The following CYB5R4 variants were observed in gnomAD, a reference collection of about 807,000 sequenced individuals.
CYB5R4 encodes the protein N-terminal cytochrome b5 and cytochrome b5 oxidoreductase domain-containing protein.
CYB5R4 carries 55 observed loss-of-function variants against 70.2 expected under a neutral mutation model. The ratio of observed to expected loss-of-function variants is 0.78; its 90% CI spans 0.63 to 0.98. CYB5R4 has a LOEUF of 0.98. CYB5R4 is among the 50% of genes least tolerant of loss of function. CYB5R4 has a pLI of 0.00. For synonymous variants in CYB5R4, 197 were observed against 199.5 expected, an observed-to-expected ratio of 0.99 and a Z score of 0.11; for missense variants, 562 against 612.6, an observed-to-expected ratio of 0.92 and a Z score of 0.87.
At chr6:83,874,101 G>C (rs1162521821) in intron 2 of CYB5R4, among the ~76,000 whole-genome samples, 2 of 137,280 alleles carry the variant, frequency 1.5e-5, no homozygotes, top group South Asian at 4.7e-4. Context: ...CTTCCTGCCT[G>C]CTTGCCTGCC....
intron 8 of CYB5R4, among the ~76,000 whole-genome samples, 180 bp from the exon 9 acceptor site, chr6:83,922,258 A>G (rs1490883683): frequency 6.6e-6 from 1 of 152,200 alleles, no homozygotes. Flanking sequence ...TTGAAAATGT[A>G]TGTATTTAAA....
intron 2 of CYB5R4, among the ~76,000 whole-genome samples, chr6:83,874,877 C>T (rs368663854): frequency 2.0e-5 from 3 of 151,508 alleles, no homozygotes; most frequent in Non-Finnish European, 1.5e-5. Context: ...GGCTGGAGTG[C>T]AGTGGCGCGA....
chr6:83,939,478 C>T (rs1299115232), intron 12 of CYB5R4, among the ~76,000 whole-genome samples: 1 of 152,148 alleles, frequency 6.6e-6, no homozygotes, highest in African/African-American at 2.4e-5. Flanking sequence ...GGGAATTAAA[C>T]TCAGAATAGC....
intron 2 of CYB5R4, among the ~76,000 whole-genome samples, chr6:83,891,404 T>C (rs1361771174): frequency 6.6e-6 from 1 of 152,236 alleles, no homozygotes; most frequent in African/African-American, 2.4e-5. Context: ...TTTTTATGTT[T>C]GTATTTCTCT....
intron 2 of CYB5R4, among the ~76,000 whole-genome samples, chr6:83,882,521 C>T (rs2099459611): frequency 6.6e-6 from 1 of 151,980 alleles, no homozygotes; most frequent in African/African-American, 2.4e-5. Flanking sequence ...ATTACAGAAT[C>T]CAAAGTTTCT....
chr6:83,937,505 A>G (rs2099469105), intron 12 of CYB5R4, among the ~76,000 whole-genome samples: 1 of 152,126 alleles, frequency 6.6e-6, no homozygotes, highest in African/African-American at 2.4e-5. Flanking sequence ...ATAGGCTGTC[A>G]GTAAATGTGC....
intron 3 of CYB5R4, among the ~76,000 whole-genome samples, chr6:83,898,649 G>C (rs1193439130): frequency 6.6e-6 from 1 of 152,126 alleles, no homozygotes; most frequent in African/African-American, 2.4e-5. Context: ...TTGAGCAGTG[G>C]TTTGTAGTTC....
chr6:83,908,006 G>C (rs1444669833), intron 3 of CYB5R4, among the ~76,000 whole-genome samples: 1 of 152,176 alleles, frequency 6.6e-6, no homozygotes, highest in Non-Finnish European at 1.5e-5. Context: ...AAATGGGATT[G>C]CTGGGTCAAA....
chr6:83,955,245 T>C (rs914063780), intron 14 of CYB5R4, 53 bp from the exon 15 acceptor site: 34 of 1,387,834 alleles, frequency 2.4e-5, no homozygotes, highest in Non-Finnish European at 3.1e-5. Context: ...TGAAACATGT[T>C]AATAATATGT....
chr6:83,871,363 T>C (rs368482319), intron 2 of CYB5R4, among the ~76,000 whole-genome samples: 116 of 152,364 alleles, frequency 7.6e-4, no homozygotes, highest in African/African-American at 2.7e-3. Context: ...TCTTTGTCGA[T>C]TGTATTAATT....
intron 3 of CYB5R4, among the ~76,000 whole-genome samples, chr6:83,896,977 G>C (rs2099462009): frequency 6.6e-6 from 1 of 151,610 alleles, no homozygotes; most frequent in East Asian, 1.9e-4. Context: ...TGTTACATAT[G>C]TATACGTGTG....
intron 2 of CYB5R4, among the ~76,000 whole-genome samples, chr6:83,891,717 G>A (rs1160129476): frequency 1.3e-5 from 2 of 152,162 alleles, no homozygotes; most frequent in African/African-American, 4.8e-5. Context: ...CGTCCACGGA[G>A]TGATCCTAGC....
intron 14 of CYB5R4, among the ~76,000 whole-genome samples, chr6:83,945,969 T>C (rs1279860025): frequency 6.6e-6 from 1 of 152,168 alleles, no homozygotes; most frequent in African/African-American, 2.4e-5. Context: ...ACCAGATGGA[T>C]TTACAGCTGA....
intron 15 of CYB5R4, among the ~76,000 whole-genome samples, chr6:83,956,368 G>C (rs1341755310): frequency 6.6e-6 from 1 of 152,168 alleles, no homozygotes; most frequent in East Asian, 1.9e-4. Context: ...CTCAAAGCTG[G>C]ATTGGGGGGG....
At chr6:83,923,140 A>G (rs1167437189) in intron 9 of CYB5R4, among the ~76,000 whole-genome samples, 1 of 151,966 alleles carries the variant, frequency 6.6e-6, no homozygotes, top group Non-Finnish European at 1.5e-5. Context: ...ATGTTAGACA[A>G]ATTTTTCTTT....
In CYB5R4 at chr6:83,893,603, G is replaced by A. The variant is rs1328270106; in HGVS notation, c.311G>A (p.Gly104Asp). The change falls in exon 3 of 16, where the codon GGT (glycine) becomes GAT (aspartate). Residue 104 changes from glycine to aspartate, a missense_variant. Transcript: ENST00000369681. Reference sequence around the variant, plus strand: ...CTAATGAGAGCAGCAGGATCAGATGGTACTGAACTTTTTGATCAGGTAAGA... The same window carrying A: ...CTAATGAGAGCAGCAGGATCAGATGATACTGAACTTTTTGATCAGGTAAGA... ...DELMRAAGSD[G>D]TELFDQVHRW... The A allele has an allele frequency of 1.2e-6, 2 of 1,611,016 alleles. No homozygotes were observed. Among genetic ancestry groups the A allele is most frequent in the Non-Finnish European group, 1.7e-6 (2 of 1,177,588 alleles).
intron 12 of CYB5R4, 145 bp downstream of exon 12, chr6:83,936,521 C>T (rs191145865): frequency 1.5e-5 from 10 of 672,278 alleles, no homozygotes; most frequent in South Asian, 1.4e-4. Context: ...TCCTACACAG[C>T]GTGGCCATGC....
In CYB5R4 at chr6:83,964,802, C is replaced by T. The variant is rs1021403797; in HGVS notation, c.*4924C>T. The T allele has an allele frequency of 3.9e-5, 6 of 152,152 alleles. No individual in the cohort carries two copies. The highest frequency in any genetic ancestry group is 1.4e-4 in the African/African-American group (6 of 41,406). 9.4% of individuals were successfully genotyped at this position (152,152 alleles called of 1,614,324 possible). ...GGTAAAAATGGTTTTGTGGGCAAGG[C>T]CTAGGGTCCTTGTGCTGTGTGCAGT... On this transcript the variant is annotated 3_prime_UTR_variant, in exon 16 of 16. Transcript: ENST00000369681.
chr6:83,927,916 AC>A (rs1301388395), intron 10 of CYB5R4, among the ~76,000 whole-genome samples: 4 of 152,146 alleles, frequency 2.6e-5, no homozygotes, highest in African/African-American at 9.7e-5. Context: ...CCAGGAGCCC[AC>A]CAGGATTCTC....
Sources: allele counts gnomAD v4.1 joint callset (sites outside exome capture counted in the v4.1 genomes callset), GRCh38; gene constraint gnomAD v4.1.1; transcripts MANE v1.5; gene names NCBI Gene and HGNC (gene_info 2026-07-23, HGNC 2026-07-21).